PTPRT: variants seen among roughly 807,000 people sequenced by gnomAD.
The protein encoded by PTPRT is receptor-type tyrosine-protein phosphatase T.
Under a neutral mutation model 176.8 loss-of-function variants are expected in PTPRT, and 56 were observed. That is an observed-to-expected ratio of 0.32 (90% CI 0.26 to 0.40). PTPRT has a LOEUF of 0.40. Among genes scored for constraint, PTPRT ranks in the 10% least tolerant of loss-of-function variants. PTPRT has a pLI of 1.00. For missense variants in PTPRT, 1,540 were observed against 1,908.2 expected, an observed-to-expected ratio of 0.81 and a Z score of 3.60; for synonymous variants, 783 against 739.0, an observed-to-expected ratio of 1.06 and a Z score of -0.96.
intron 13 of PTPRT, among the ~76,000 whole-genome samples, chr20:42,269,666 C>T (rs1056883736): frequency 1.1e-4 from 16 of 152,182 alleles, no homozygotes; most frequent in African/African-American, 3.9e-4. Flanking sequence ...CAAATACAGA[C>T]TCTGGACTGG....
At chr20:42,735,013 C>T (rs924665515) in intron 6 of PTPRT, among the ~76,000 whole-genome samples, 5 of 152,160 alleles carry the variant, frequency 3.3e-5, no homozygotes, top group African/African-American at 1.2e-4. Context: ...TGAATCTTTG[C>T]AGAAAAACCA....
rs900429420 is a variant in PTPRT at position 42,992,025 on chromosome 20, C to T, written c.89-106093G>A. ...AACAAAATTCTTGGTTTTCAGTTTACTCAAAGTACTATGTGTGACATAATT... is the reference window on the plus strand; with the variant it reads ...AACAAAATTCTTGGTTTTCAGTTTATTCAAAGTACTATGTGTGACATAATT... On this transcript the variant is annotated intron_variant, in intron 1 of 30. Transcript: ENST00000373187. Among the ~76,000 whole-genome samples, 3 of 152,048 alleles carry T rather than the reference C, an allele frequency of 2.0e-5. No individual in the cohort carries two copies. In the South Asian group the frequency reaches 6.2e-4, roughly 31 times the overall value.
chr20:43,139,089 C>A (rs1275095149), intron 1 of PTPRT, among the ~76,000 whole-genome samples: 1 of 152,176 alleles, frequency 6.6e-6, no homozygotes, highest in Non-Finnish European at 1.5e-5. Flanking sequence ...CAATTTCCAC[C>A]CAAATGCATC....
chr20:42,246,886 A>T (rs985698112), intron 14 of PTPRT, among the ~76,000 whole-genome samples: 2 of 152,218 alleles, frequency 1.3e-5, no homozygotes, highest in African/African-American at 4.8e-5. Context: ...CCTCTAATAC[A>T]TCTGTAACTC....
intron 2 of PTPRT, among the ~76,000 whole-genome samples, chr20:42,814,467 C>T (rs558837522): frequency 9.2e-4 from 140 of 152,230 alleles, no homozygotes; most frequent in African/African-American, 3.3e-3. Flanking sequence ...TGCAAGCTCT[C>T]AAATTTTATA....
At chr20:42,160,140 A>G (rs905632473) in intron 17 of PTPRT, among the ~76,000 whole-genome samples, 2 of 152,162 alleles carry the variant, frequency 1.3e-5, no homozygotes, top group African/African-American at 2.4e-5. Context: ...ATGTGAAGAA[A>G]AAAAAAAGAA....
intron 1 of PTPRT, among the ~76,000 whole-genome samples, chr20:42,916,416 T>A (rs371807905): frequency 6.6e-6 from 1 of 152,140 alleles, no homozygotes; most frequent in Non-Finnish European, 1.5e-5. Context: ...ATAGTGCCGC[T>A]ATAAACATAC....
At chr20:42,270,277 GGGGT>G (rs1449771766) in intron 13 of PTPRT, 127 of 786,456 alleles carry the variant, frequency 1.6e-4, no homozygotes, top group Admixed American at 8.3e-4. Flanking sequence ...AATGGGTGGG[GGGGT>G]GGGTGGGTGG....
chr20:42,704,092 A>G (rs1186788388), intron 6 of PTPRT, among the ~76,000 whole-genome samples: 1 of 152,178 alleles, frequency 6.6e-6, no homozygotes, highest in Non-Finnish European at 1.5e-5. Context: ...GCAAAATACC[A>G]TGTATCTTTC....
chr20:42,554,567 A>G (rs1312344204), intron 7 of PTPRT, among the ~76,000 whole-genome samples: 1 of 152,178 alleles, frequency 6.6e-6, no homozygotes, highest in Non-Finnish European at 1.5e-5. Flanking sequence ...ATGAATAAAT[A>G]TTTAAAATCT....
chr20:42,472,441 C>T lies in PTPRT; in HGVS notation c.1275G>A (p.Gln425=), dbSNP rs1368030544. Residue 425 remains glutamine, a synonymous_variant, in exon 8 of 31, where the codon CAG becomes CAA. Coordinates refer to ENST00000373187, the MANE Select transcript of PTPRT (RefSeq NM_007050.6). ...GCTGCTGGTTGAACACATACTGGTA[C>T]TGCACGGTGAGGTTGTAGCTATGGC... ...TRCHSYNLTV[Q]YQYVFNQQQY... is the part of the protein sequence containing the mutation. 9 of 1,614,250 alleles carry T rather than the reference C, an allele frequency of 5.6e-6. No individual in the cohort carries two copies. The highest frequency in any genetic ancestry group is 1.1e-5 in the South Asian group (1 of 91,086).
intron 11 of PTPRT, among the ~76,000 whole-genome samples, chr20:42,319,058 T>C (rs370764585): frequency 2.0e-5 from 3 of 152,116 alleles, no homozygotes; most frequent in Admixed American, 6.5e-5. Flanking sequence ...AGCCATAATA[T>C]CTCTGTGAGG....
At chr20:43,049,756 C>G (rs905503382) in intron 1 of PTPRT, among the ~76,000 whole-genome samples, 1 of 152,204 alleles carries the variant, frequency 6.6e-6, no homozygotes, top group African/African-American at 2.4e-5. Context: ...TCTTTCAGCT[C>G]TAAATATGCT....
intron 16 of PTPRT, among the ~76,000 whole-genome samples, chr20:42,198,608 C>T (rs1991325294): frequency 6.6e-6 from 1 of 152,164 alleles, no homozygotes; most frequent in Non-Finnish European, 1.5e-5. Context: ...AAGGGTTAAC[C>T]CTGATATCTT....
intron 7 of PTPRT, among the ~76,000 whole-genome samples, chr20:42,481,744 G>A (rs1321413297): frequency 2.6e-5 from 4 of 151,138 alleles, no homozygotes; most frequent in East Asian, 1.9e-4. Context: ...GAGCAAGACC[G>A]TGTCTCTAAA....
rs2077595077 is a variant in PTPRT, at chr20:42,805,630, C to G, written c.215-14164G>C. Among the ~76,000 whole-genome samples the G allele has an allele frequency of 2.0e-5, 3 of 152,176 alleles. No homozygotes were observed. In the South Asian group the frequency reaches 6.2e-4, roughly 32 times the overall value. ...GAATAGGGCTCCTGTAGACGCCCCC[C>G]AGGGAATGCATGCCAGTTTTTCATG... On this transcript the variant is annotated intron_variant, in intron 2 of 30. Transcript: ENST00000373187.
intron 7 of PTPRT, among the ~76,000 whole-genome samples, chr20:42,487,018 G>T (rs2071475142): frequency 1.3e-5 from 2 of 152,190 alleles, no homozygotes; most frequent in South Asian, 4.1e-4. Context: ...ATCAATAGAT[G>T]TGTATGTTTT....
intron 1 of PTPRT, among the ~76,000 whole-genome samples, chr20:42,896,305 G>A (rs2145902221): frequency 6.6e-6 from 1 of 151,990 alleles, no homozygotes; most frequent in Non-Finnish European, 1.5e-5. Context: ...AGCGCCCCTT[G>A]CAAGACTAAA....
intron 3 of PTPRT, among the ~76,000 whole-genome samples, chr20:42,789,367 T>C (rs2077340221): frequency 6.6e-6 from 1 of 152,226 alleles, no homozygotes; most frequent in African/African-American, 2.4e-5. Flanking sequence ...GTGGTTCCCA[T>C]TATATTTATA....
Sources: allele counts gnomAD v4.1 joint callset (sites outside exome capture counted in the v4.1 genomes callset), GRCh38; gene constraint gnomAD v4.1.1; transcripts MANE v1.5; gene names NCBI Gene and HGNC (gene_info 2026-07-23, HGNC 2026-07-21).